SLIT3: variants seen among roughly 807,000 people sequenced by gnomAD.
SLIT3 encodes slit guidance ligand 3, also known as slit homolog 3 protein.
Under a neutral mutation model 184.0 loss-of-function variants are expected in SLIT3, and 68 were observed. The ratio of observed to expected loss-of-function variants is 0.37; its 90% confidence interval spans 0.30 to 0.45. SLIT3 has a LOEUF of 0.45. Ranked by LOEUF, SLIT3 falls within the 20% of genes least tolerant of loss-of-function variation. SLIT3 has a pLI of 1.00. For missense variants in SLIT3, 1,707 were observed against 2,026.0 expected (o/e 0.84, Z 3.02); for synonymous variants, 831 against 828.6 (o/e 1.00, Z -0.05).
chr5:168,853,131 A>G (rs1337282169), intron 5 of SLIT3, among the ~76,000 whole-genome samples: 3 of 152,184 alleles, frequency 2.0e-5, no homozygotes, highest in Non-Finnish European at 4.4e-5. Flanking sequence ...ATTATTTGAG[A>G]TATTCAATAT....
chr5:168,671,790 G>T (rs934475710), intron 33 of SLIT3, among the ~76,000 whole-genome samples: 1 of 152,270 alleles, frequency 6.6e-6, no homozygotes, highest in East Asian at 1.9e-4. Flanking sequence ...ATTGCCCTAT[G>T]ATCCCACTGG....
chr5:169,287,971 G>A (rs1767214958), intron 1 of SLIT3, among the ~76,000 whole-genome samples: 1 of 152,160 alleles, frequency 6.6e-6, no homozygotes, highest in Non-Finnish European at 1.5e-5. Flanking sequence ...CCCATGCTTA[G>A]GCAAACTTGC....
At chr5:168,799,203 C>A (rs1359899885) in intron 9 of SLIT3, among the ~76,000 whole-genome samples, 3 of 152,154 alleles carry the variant, frequency 2.0e-5, no homozygotes, top group African/African-American at 4.8e-5. Context: ...CAACCTAGAA[C>A]AAGGATGCAA....
At chr5:169,156,478 G>A (rs1165010498) in intron 4 of SLIT3, among the ~76,000 whole-genome samples, 2 of 152,200 alleles carry the variant, frequency 1.3e-5, no homozygotes, top group African/African-American at 4.8e-5. Context: ...CTGGTTCTAG[G>A]ATCTGCAGAC....
intron 4 of SLIT3, among the ~76,000 whole-genome samples, chr5:169,084,139 C>A (rs1210314350): frequency 1.3e-5 from 2 of 152,122 alleles, no homozygotes; most frequent in African/African-American, 2.4e-5. Context: ...GACTCCTAGA[C>A]AATACAGTAC....
At chr5:168,900,858 A>C (rs904931879) in intron 4 of SLIT3, among the ~76,000 whole-genome samples, 1 of 152,228 alleles carries the variant, frequency 6.6e-6, no homozygotes, top group African/African-American at 2.4e-5. Context: ...AACAAGTCAG[A>C]CATGGACAAA....
At chr5:169,173,035 G>T in intron 4 of SLIT3, among the ~76,000 whole-genome samples, 1 of 152,174 alleles carries the variant, frequency 6.6e-6, no homozygotes, top group East Asian at 1.9e-4. Flanking sequence ...GCGCAGAGGG[G>T]TGGATACCTT....
At chr5:169,125,504 A>G (rs1490723198) in intron 4 of SLIT3, among the ~76,000 whole-genome samples, 1 of 152,214 alleles carries the variant, frequency 6.6e-6, no homozygotes. Context: ...GGGAAAATAT[A>G]TCCAGGGGAG....
intron 4 of SLIT3, among the ~76,000 whole-genome samples, chr5:168,897,518 T>A (rs7724421): frequency 0.47 from 71,437 of 151,066 alleles, 17,096 homozygotes; most frequent in Non-Finnish European, 0.52. Flanking sequence ...AAAAGAGAAA[T>A]AAAAGTCGGA....
At chr5:169,280,242 G>A (rs190154101) in intron 1 of SLIT3, among the ~76,000 whole-genome samples, 8 of 152,358 alleles carry the variant, frequency 5.3e-5, no homozygotes, top group Admixed American at 5.2e-4. Context: ...TGCTATCAAA[G>A]CAGCAGCATC....
intron 4 of SLIT3, among the ~76,000 whole-genome samples, chr5:169,174,635 A>G (rs1762917620): frequency 6.6e-6 from 1 of 152,244 alleles, no homozygotes. Context: ...CCCAGCACAT[A>G]GTACAGTACA....
chr5:169,053,286 T>A (rs930863696), intron 4 of SLIT3, among the ~76,000 whole-genome samples: 1 of 152,222 alleles, frequency 6.6e-6, no homozygotes, highest in African/African-American at 2.4e-5. Context: ...AAACTCTGAT[T>A]GTGTCTGTGG....
chr5:168,928,190 C>T (rs777191445), intron 4 of SLIT3, among the ~76,000 whole-genome samples: 23 of 152,156 alleles, frequency 1.5e-4, no homozygotes, highest in South Asian at 4.1e-4. Flanking sequence ...TCAGGATTTG[C>T]GTCGTATTTA....
intron 1 of SLIT3, among the ~76,000 whole-genome samples, chr5:169,280,174 A>C (rs1046980859): frequency 1.3e-5 from 2 of 152,176 alleles, no homozygotes; most frequent in African/African-American, 4.8e-5. Context: ...CATTCAATGA[A>C]AGGAGAGGTT....
intron 5 of SLIT3, among the ~76,000 whole-genome samples, chr5:168,855,132 G>C (rs1421090070): frequency 6.6e-6 from 1 of 152,170 alleles, no homozygotes; most frequent in African/African-American, 2.4e-5. Context: ...TGGCACACAG[G>C]AGGTGCTCAG....
At chr5:168,745,104 T>C (rs549303176) in intron 20 of SLIT3, among the ~76,000 whole-genome samples, 1 of 152,298 alleles carries the variant, frequency 6.6e-6, no homozygotes, top group East Asian at 1.9e-4. Context: ...AGAAGTTGAC[T>C]CCAACCATAT....
intron 4 of SLIT3, among the ~76,000 whole-genome samples, chr5:168,987,329 C>T (rs1315469755): frequency 3.9e-5 from 6 of 152,212 alleles, no homozygotes; most frequent in Non-Finnish European, 7.3e-5. Context: ...ACCTATTTCT[C>T]CCACCCAGAC....
At chr5:168,868,200 G>A (rs1186841778) in intron 5 of SLIT3, among the ~76,000 whole-genome samples, 1 of 152,210 alleles carries the variant, frequency 6.6e-6, no homozygotes, top group Non-Finnish European at 1.5e-5. Context: ...GGATGCATGA[G>A]GATGAGGGTG....
At chr5:168,856,800 T>TGCGCGCGCGCGC (rs1328584244) in intron 5 of SLIT3, among the ~76,000 whole-genome samples, 1 of 141,432 alleles carries the variant, frequency 7.1e-6, no homozygotes, top group African/African-American at 2.9e-5. Context: ...TGTGTGTGTG[T>TGCGCGCGCGCGC]GTGTGTGCGC....
Sources: gnomAD v4.1 joint callset for allele counts (sites outside exome capture counted in the v4.1 genomes callset) on GRCh38, gnomAD v4.1.1 for gene constraint, MANE v1.5 for transcripts, NCBI Gene and HGNC (gene_info 2026-07-23, HGNC 2026-07-21) for gene names.